The following MEGF6 variants were observed in gnomAD, a reference collection of about 807,000 sequenced individuals.
The protein encoded by MEGF6 is multiple EGF like domains 6.
A neutral mutation model predicts 207.1 loss-of-function variants in MEGF6; 184 were observed. That is an observed-to-expected ratio of 0.89 (90% CI 0.79 to 1.00). The LOEUF (loss-of-function observed/expected upper bound fraction) is 1.00, where lower values mean the gene tolerates loss of function less well. MEGF6 is among the 50% of genes least tolerant of loss of function. MEGF6 has a pLI of 0.00. For synonymous variants in MEGF6, 1,038 were observed against 910.0 expected (o/e 1.14, Z -2.53); for missense variants, 2,282 against 2,202.9 (o/e 1.04, Z -0.72).
At chr1:3,503,295 A>AC (rs1385536915) in intron 17 of MEGF6, among the ~76,000 whole-genome samples, 3 of 151,806 alleles carry the variant, frequency 2.0e-5, no homozygotes, top group African/African-American at 7.3e-5. Flanking sequence ...GCGTCAGGGA[A>AC]CCCCCCTCCA....
chr1:3,493,820 G>A lies in MEGF6; in HGVS notation c.4338C>T (p.Thr1446=), dbSNP rs746839955. 26 of 1,609,204 alleles carry A rather than the reference G, an allele frequency of 1.6e-5. No individual in the cohort carries two copies. The highest frequency in any genetic ancestry group is 5.5e-5 in the South Asian group (5 of 90,404). ...GCCCTGGTGGGCAAAGGCAGAGACC[G>A]GTGACAGGGTCACAGGGTGCCCCCC... ...CDGGAPCDPV[T]GLCLCPPGRS... Residue 1446 remains threonine, a synonymous_variant, in exon 34 of 37, where the codon ACC becomes ACT. Transcript: ENST00000356575.
At position 3,508,225 on chromosome 1, in the gene MEGF6, G is replaced by A. The variant is rs140546653; in HGVS notation, c.1661-302C>T. On this transcript the variant is annotated intron_variant, in intron 13 of 36. Coordinates refer to ENST00000356575, the MANE Select transcript of MEGF6 (RefSeq NM_001409.4). ...CTGAGCTAGAGGAACCCCACCTGCC[G>A]GCTGCCCTTCAGCAGACACCCCTCA... Among the ~76,000 whole-genome samples the A allele has an allele frequency of 4.0e-4, 61 of 152,264 alleles. 1 individual carries two copies. The East Asian group carries it at 9.8e-3, about 25-fold the overall frequency.
intron 4 of MEGF6, among the ~76,000 whole-genome samples, chr1:3,541,100 G>A (rs1349297055): frequency 6.6e-6 from 1 of 152,184 alleles, no homozygotes; most frequent in Non-Finnish European, 1.5e-5. Flanking sequence ...AAAGGGCTCT[G>A]GGCACCTGTC....
At position 3,498,305 on chromosome 1, in the gene MEGF6, A is replaced by G. The variant is rs1640696774; in HGVS notation, c.3352+66T>C. 3.9e-6 allele frequency: 6 copies of G among 1,537,622 alleles called. No individual in the cohort carries two copies. The African/African-American group carries it at 8.2e-5, about 21-fold the overall frequency. On this transcript the variant is annotated intron_variant, in intron 26 of 36. Transcript: ENST00000356575. The stretch of plus-strand genomic sequence containing the variant: ...AACCGGGCACAGTCCTCAGCCCTGC[A>G]GTAAGGCTGATGCCACCCCTTCCCA...
chr1:3,566,177 T>C (rs1032123990), intron 4 of MEGF6, among the ~76,000 whole-genome samples: 6 of 152,176 alleles, frequency 3.9e-5, no homozygotes, highest in Admixed American at 1.3e-4. Context: ...CTGGCCTCAG[T>C]GATGCTGCCC....
intron 7 of MEGF6, among the ~76,000 whole-genome samples, chr1:3,513,970 C>T (rs1359724016): frequency 1.3e-5 from 2 of 151,862 alleles, no homozygotes; most frequent in African/African-American, 2.4e-5. Flanking sequence ...TAGTTTAGGC[C>T]AGGTGCAGTG....
chr1:3,546,771 C>T (rs1337651887), intron 4 of MEGF6, among the ~76,000 whole-genome samples: 12 of 82,662 alleles, frequency 1.5e-4, no homozygotes, highest in African/African-American at 2.1e-4. Context: ...GCCACCATGG[C>T]GGGGTGGCAA....
chr1:3,536,668 G>T (rs115915866), intron 4 of MEGF6, among the ~76,000 whole-genome samples: 2 of 152,178 alleles, frequency 1.3e-5, no homozygotes, highest in African/African-American at 4.8e-5. Context: ...GTCTGTGCCT[G>T]GGAATGTGTG....
intron 4 of MEGF6, among the ~76,000 whole-genome samples, chr1:3,536,508 C>A (rs1345939666): frequency 6.6e-6 from 1 of 152,154 alleles, no homozygotes; most frequent in East Asian, 1.9e-4. Context: ...GGGGCAGCAG[C>A]CCACCGGTAG....
chr1:3,562,291 G>A (rs372322418), intron 4 of MEGF6, among the ~76,000 whole-genome samples: 94 of 151,648 alleles, frequency 6.2e-4, no homozygotes, highest in Non-Finnish European at 1.2e-3. Flanking sequence ...TCTTCATCCC[G>A]GTCCCTCGCT....
intron 4 of MEGF6, among the ~76,000 whole-genome samples, chr1:3,563,671 C>T (rs1347704984): frequency 2.0e-5 from 3 of 152,216 alleles, no homozygotes; most frequent in African/African-American, 7.2e-5. Flanking sequence ...GCAGAGTCCC[C>T]CTCTGGCTCC....
At position 3,509,863 on chromosome 1, in the gene MEGF6, G is replaced by A. The variant is rs1641270353; in HGVS notation, c.1357+7C>T. On this transcript the variant is annotated splice_region_variant and intron_variant, in intron 11 of 36. Coordinates refer to ENST00000356575, the MANE Select transcript of MEGF6 (RefSeq NM_001409.4). Reference sequence around the variant, plus strand: ...GGCCGGTGCTCCGCGGAGGGCGGGAGACTCACGGCTGCAGCCCCTACGGTC... The same window carrying A: ...GGCCGGTGCTCCGCGGAGGGCGGGAAACTCACGGCTGCAGCCCCTACGGTC... 1 of 1,550,164 alleles carries A rather than the reference G, an allele frequency of 6.5e-7. No individual in the cohort carries two copies. The highest frequency in any genetic ancestry group is 1.4e-5 in the African/African-American group (1 of 73,268).
chr1:3,621,848 A>T, the MEGF6 span, among the ~76,000 whole-genome samples: 1 of 152,378 alleles, frequency 6.6e-6, no homozygotes, highest in Admixed American at 6.5e-5. Context: ...TTGGAGCTGT[A>T]AGATATAATG....
intron 1 of MEGF6, among the ~76,000 whole-genome samples, chr1:3,608,157 A>C (rs1461763482): frequency 6.6e-6 from 1 of 152,004 alleles, no homozygotes; most frequent in East Asian, 1.9e-4. Flanking sequence ...TATGCTTCCC[A>C]GGGCCCCATG....
intron 7 of MEGF6, among the ~76,000 whole-genome samples, chr1:3,512,803 G>A (rs963238783): frequency 1.1e-4 from 17 of 152,144 alleles, no homozygotes; most frequent in African/African-American, 1.7e-4. Context: ...TATCGGCAGC[G>A]TGAAAATGGA....
chr1:3,597,931 G>C (rs112243707), intron 2 of MEGF6, among the ~76,000 whole-genome samples: 1 of 152,228 alleles, frequency 6.6e-6, no homozygotes, highest in Non-Finnish European at 1.5e-5. Flanking sequence ...TGAGGCCTTT[G>C]TGTTTGCAAG....
chr1:3,542,382 G>A (rs1445232185), intron 4 of MEGF6, among the ~76,000 whole-genome samples: 1 of 152,236 alleles, frequency 6.6e-6, no homozygotes, highest in African/African-American at 2.4e-5. Flanking sequence ...TCACAGGACT[G>A]AACTCCAACC....
chr1:3,490,152 C>G lies in MEGF6; in HGVS notation c.*376G>C. On this transcript the variant is annotated 3_prime_UTR_variant, in exon 37 of 37. Transcript: ENST00000356575. ...GTCCCAGGGCCTAGCACCAAAAAGCCTGCCTGGAGGACAGTGGCCCTGTGC... is the reference window on the plus strand; with the variant it reads ...GTCCCAGGGCCTAGCACCAAAAAGCGTGCCTGGAGGACAGTGGCCCTGTGC... 1 of 277,554 alleles carries G rather than the reference C, an allele frequency of 3.6e-6. No individual in the cohort carries two copies. The highest frequency in any genetic ancestry group is 6.7e-6 in the Non-Finnish European group (1 of 148,578). The allele number at this position is 277,554 out of a possible 1,614,324, so 17.2% of individuals were successfully genotyped here.
chr1:3,534,947 C>T (rs983283474), intron 4 of MEGF6, among the ~76,000 whole-genome samples: 5 of 152,160 alleles, frequency 3.3e-5, no homozygotes, highest in African/African-American at 9.6e-5. Flanking sequence ...CGCGTCCATC[C>T]AGGGTGAGGG....
Sources: gnomAD v4.1 joint callset for allele counts (sites outside exome capture counted in the v4.1 genomes callset) on GRCh38, gnomAD v4.1.1 for gene constraint, MANE v1.5 for transcripts, NCBI Gene and HGNC (gene_info 2026-07-23, HGNC 2026-07-21) for gene names.